EFCAB13: variants seen among roughly 807,000 people sequenced by gnomAD.
The protein encoded by EFCAB13 is EF-hand calcium binding domain 13, also known as EF-hand calcium-binding domain-containing protein 13.
Under a neutral mutation model 110.2 loss-of-function variants are expected in EFCAB13, and 91 were observed. The observed-to-expected ratio is 0.83, with a 90% CI of 0.70 to 0.98. The LOEUF (loss-of-function observed/expected upper bound fraction) is 0.98. Among genes scored for constraint, EFCAB13 ranks in the 50% least tolerant of loss-of-function variants. The pLI, the probability that EFCAB13 is intolerant of heterozygous loss-of-function variation, is 0.00. For synonymous variants in EFCAB13, 323 were observed against 369.9 expected (o/e 0.87, Z 1.45); for missense variants, 968 against 1,119.4 (o/e 0.86, Z 1.93).
At chr17:47,332,330 A>T (rs546872078) in intron 4 of EFCAB13, among the ~76,000 whole-genome samples, 1 of 152,236 alleles carries the variant, frequency 6.6e-6, no homozygotes, top group Non-Finnish European at 1.5e-5. Flanking sequence ...TGGGGGCATA[A>T]TGTAGTATTT....
chr17:47,324,913 C>A (rs8077042), intron 2 of EFCAB13, among the ~76,000 whole-genome samples: 1 of 145,464 alleles, frequency 6.9e-6, no homozygotes, highest in Admixed American at 6.8e-5. Context: ...CTCACTCTGA[C>A]GACATTGTCT....
chr17:47,390,517 A>G (rs1043101082), intron 14 of EFCAB13, among the ~76,000 whole-genome samples: 1 of 152,208 alleles, frequency 6.6e-6, no homozygotes, highest in African/African-American at 2.4e-5. Flanking sequence ...TGCAGTAAAA[A>G]TTTATCAGTT....
chr17:47,402,844 G>A (rs2065785950), intron 18 of EFCAB13, among the ~76,000 whole-genome samples: 1 of 152,208 alleles, frequency 6.6e-6, no homozygotes, highest in South Asian at 2.1e-4. Context: ...TGAGCCTCAT[G>A]GGAGAGGGAT....
At chr17:47,424,241 G>T (rs1253920245) in intron 23 of EFCAB13, among the ~76,000 whole-genome samples, 2 of 152,328 alleles carry the variant, frequency 1.3e-5, no homozygotes, top group African/African-American at 2.4e-5. Context: ...ACTCCCGAGC[G>T]GCTCGGAGTG....
chr17:47,331,748 C>T (rs978149669), intron 4 of EFCAB13, among the ~76,000 whole-genome samples: 2 of 152,152 alleles, frequency 1.3e-5, no homozygotes, highest in Admixed American at 1.3e-4. Flanking sequence ...CTTCCCCCAT[C>T]CCCTGGCAAA....
In EFCAB13 at chr17:47,377,919, C is replaced by T; in HGVS notation, c.1510+16C>T. ...AGTAGAAATGGTGAGAGACTGATAA[C>T]ACTGAAGTTTCTGAGAAAGTTAGAT... On this transcript the variant is annotated intron_variant, in intron 13 of 24. Coordinates refer to ENST00000331493, the MANE Select transcript of EFCAB13 (RefSeq NM_152347.5). 1 of 1,556,668 alleles carries T rather than the reference C, an allele frequency of 6.4e-7. No individual in the cohort carries two copies. Among genetic ancestry groups the T allele is most frequent in the Non-Finnish European group, 8.6e-7 (1 of 1,161,648 alleles).
chr17:47,374,313 A>G (rs894659791), intron 11 of EFCAB13, among the ~76,000 whole-genome samples, 159 bp from the exon 12 acceptor site: 7 of 152,160 alleles, frequency 4.6e-5, no homozygotes, highest in Admixed American at 1.3e-4. Context: ...TAATAGTCCA[A>G]TCTTTTGACT....
intron 23 of EFCAB13, among the ~76,000 whole-genome samples, chr17:47,421,026 G>GA (rs1904681667): frequency 1.3e-5 from 2 of 150,720 alleles, no homozygotes; most frequent in African/African-American, 4.9e-5. Flanking sequence ...GAGGTGGGGG[G>GA]GTCAGCCCCC....
At chr17:47,344,398 G>T (rs1176071057) in intron 7 of EFCAB13, 106 bp downstream of exon 7, 4 of 1,325,990 alleles carry the variant, frequency 3.0e-6, no homozygotes, top group African/African-American at 1.5e-5. Flanking sequence ...AGTAGTTTAT[G>T]CTAATTATGC....
At position 47,415,092 on chromosome 17, in the gene EFCAB13, A is replaced by G. The variant is rs1904391341; in HGVS notation, c.2494+173A>G. On this transcript the variant is annotated intron_variant, in intron 23 of 24. Coordinates refer to ENST00000331493, the MANE Select transcript of EFCAB13 (RefSeq NM_152347.5). ...ATGAGTTCATGTCCTTTGTAGGGAC[A>G]TGGATGAAATTGGAAATTATCATTC... 15 of 397,064 alleles carry G rather than the reference A, an allele frequency of 3.8e-5. No homozygotes were observed. The South Asian group carries it at 4.5e-4, about 12-fold the overall frequency. 24.6% of individuals were successfully genotyped at this position (397,064 alleles called of 1,614,324 possible).
At chr17:47,391,372 C>A in intron 14 of EFCAB13, 65 bp from the exon 15 acceptor site, 1 of 1,255,776 alleles carries the variant, frequency 8.0e-7, no homozygotes, top group South Asian at 2.0e-5. Context: ...TAAAATTCAT[C>A]TTGTTAGTGG....
rs977270946 is a variant in EFCAB13, at chr17:47,431,361, GAATATTTAGCTC to G, written c.2638+1405_2638+1416del. 6.7e-6 allele frequency among the ~76,000 whole-genome samples: 1 copy of G among 150,214 alleles called. No homozygotes were observed. Among genetic ancestry groups the G allele is most frequent in the Non-Finnish European group, 1.5e-5 (1 of 67,630 alleles). On this transcript the variant is annotated intron_variant, in intron 24 of 24. Coordinates refer to ENST00000331493, the MANE Select transcript of EFCAB13 (RefSeq NM_152347.5). The surrounding 1 kb of genome is among the most constrained non-coding windows in gnomAD (Gnocchi z 4.1). ...TGAATATATCCCAATTTCTAGTGAT[GAATATTTAGCTC>G]AATAATTTTAAGGATTTTTTTTTTG...
At chr17:47,367,130 A>G (rs1490201507) in intron 10 of EFCAB13, among the ~76,000 whole-genome samples, 1 of 152,212 alleles carries the variant, frequency 6.6e-6, no homozygotes, top group Non-Finnish European at 1.5e-5. Flanking sequence ...TATAATCAAA[A>G]CCAGAATGAG....
chr17:47,342,991 T>C (rs2065394433), intron 6 of EFCAB13, among the ~76,000 whole-genome samples: 1 of 152,160 alleles, frequency 6.6e-6, no homozygotes, highest in Admixed American at 6.6e-5. Flanking sequence ...ATGCCCTGTG[T>C]CATGTTTTTT....
intron 9 of EFCAB13, among the ~76,000 whole-genome samples, chr17:47,351,907 T>G (rs1438800732): frequency 6.7e-6 from 1 of 148,786 alleles, no homozygotes; most frequent in East Asian, 1.9e-4. Context: ...TAGTTTTTTT[T>G]TTTTTTTTTT....
chr17:47,379,560 T>G (rs2065634866), intron 14 of EFCAB13, among the ~76,000 whole-genome samples: 1 of 106,960 alleles, frequency 9.3e-6, no homozygotes. Flanking sequence ...GGTGATATGG[T>G]TTGTTTTTTT....
At chr17:47,392,071 T>G (rs1342961927) in intron 15 of EFCAB13, among the ~76,000 whole-genome samples, 1 of 152,158 alleles carries the variant, frequency 6.6e-6, no homozygotes, top group East Asian at 1.9e-4. Flanking sequence ...ACTGGGGTTA[T>G]AGGTGAAATA....
At chr17:47,424,289 G>A (rs527432368) in intron 23 of EFCAB13, among the ~76,000 whole-genome samples, 1 of 152,328 alleles carries the variant, frequency 6.6e-6, no homozygotes, top group African/African-American at 2.4e-5. Context: ...AGGCACCCGC[G>A]GAACCGACGG....
intron 9 of EFCAB13, among the ~76,000 whole-genome samples, chr17:47,359,603 T>C (rs562184489): frequency 3.4e-5 from 5 of 149,178 alleles, no homozygotes; most frequent in Middle Eastern, 3.5e-3. Context: ...GCTTTCAATC[T>C]GTTTAATTTT....
Sources: gnomAD v4.1 joint callset for allele counts (sites outside exome capture counted in the v4.1 genomes callset) on GRCh38, gnomAD v4.1.1 for gene constraint, Gnocchi (gnomAD v3.1) non-coding constraint, MANE v1.5 for transcripts, NCBI Gene and HGNC (gene_info 2026-07-23, HGNC 2026-07-21) for gene names.